The following ZBTB44 variants were observed in gnomAD, a reference collection of about 807,000 sequenced individuals.
The protein encoded by ZBTB44 is zinc finger and BTB domain containing 44, also known as zinc finger and BTB domain-containing protein 44.
In ZBTB44, 15 loss-of-function variants were observed where a neutral mutation model predicts 54.0. The observed-to-expected ratio is 0.28, with a 90% CI of 0.19 to 0.43. The LOEUF is 0.43. Ranked by LOEUF, ZBTB44 falls within the 20% of genes least tolerant of loss-of-function variation. The pLI, the probability that ZBTB44 is intolerant of heterozygous loss-of-function variation, is 1.00. For synonymous variants in ZBTB44, 230 were observed against 250.1 expected (o/e 0.92, Z 0.76); for missense variants, 487 against 707.1 (o/e 0.69, Z 3.53).
At chr11:130,255,919 A>AAAAAAAAAAAC (rs1555167098) in intron 2 of ZBTB44, among the ~76,000 whole-genome samples, 1 of 131,396 alleles carries the variant, frequency 7.6e-6, no homozygotes, top group African/African-American at 2.9e-5. Flanking sequence ...AAAAAAAAAA[A>AAAAAAAAAAAC]AACACCCCTT....
chr11:130,272,397 C>A (rs1244097364), intron 1 of ZBTB44, among the ~76,000 whole-genome samples: 2 of 152,212 alleles, frequency 1.3e-5, no homozygotes, highest in African/African-American at 4.8e-5. Context: ...CATGTGCTTA[C>A]TGGACATTAG....
At chr11:130,247,557 T>C (rs1397350154) in intron 2 of ZBTB44, among the ~76,000 whole-genome samples, 1 of 152,226 alleles carries the variant, frequency 6.6e-6, no homozygotes, top group Non-Finnish European at 1.5e-5. Context: ...CCTGCCTGCC[T>C]GCTGTGTTAA....
chr11:130,245,092 T>C (rs1157178910), intron 2 of ZBTB44, among the ~76,000 whole-genome samples: 1 of 152,202 alleles, frequency 6.6e-6, no homozygotes, highest in Non-Finnish European at 1.5e-5. Context: ...TCTGAGGCTT[T>C]TGAAAATACG....
intron 2 of ZBTB44, among the ~76,000 whole-genome samples, chr11:130,254,521 T>C (rs890349869): frequency 6.6e-6 from 1 of 152,214 alleles, no homozygotes; most frequent in African/African-American, 2.4e-5. Context: ...AAAACCACAA[T>C]GAGATACCAT....
chr11:130,309,744 T>C (rs1942480059), intron 1 of ZBTB44, among the ~76,000 whole-genome samples: 1 of 151,754 alleles, frequency 6.6e-6, no homozygotes, highest in African/African-American at 2.4e-5. Context: ...ATACAAAAAT[T>C]AGCTGGGCGT....
intron 1 of ZBTB44, among the ~76,000 whole-genome samples, chr11:130,313,332 A>C (rs1942735286): frequency 6.6e-6 from 1 of 152,254 alleles, no homozygotes; most frequent in Non-Finnish European, 1.5e-5. Context: ...AGTACTGCAC[A>C]AAATGAATAA....
chr11:130,280,321 C>T (rs1324183524), intron 1 of ZBTB44, among the ~76,000 whole-genome samples: 4 of 152,066 alleles, frequency 2.6e-5, no homozygotes, highest in East Asian at 3.8e-4. Context: ...ATCTTAGGTA[C>T]GTTAAAGGGG....
chr11:130,301,168 C>T (rs749902547), intron 1 of ZBTB44, among the ~76,000 whole-genome samples: 2 of 151,948 alleles, frequency 1.3e-5, no homozygotes, highest in Non-Finnish European at 2.9e-5. Context: ...CTTAAACAGG[C>T]GGAGGCCCAG....
At chr11:130,256,195 TA>T (rs944278635) in intron 2 of ZBTB44, among the ~76,000 whole-genome samples, 6 of 152,118 alleles carry the variant, frequency 3.9e-5, no homozygotes, top group Non-Finnish European at 8.8e-5. Context: ...AAGTCCTCAA[TA>T]AAATACTGAC....
At chr11:130,232,706 ATC>A (rs1188207475) in intron 7 of ZBTB44, 2 of 152,224 alleles carry the variant, frequency 1.3e-5, no homozygotes, top group Admixed American at 1.3e-4. Flanking sequence ...TCAGTAAACA[ATC>A]TAGTTGGGTT....
intron 1 of ZBTB44, among the ~76,000 whole-genome samples, chr11:130,283,039 T>A (rs1940652084): frequency 1.5e-5 from 2 of 130,722 alleles, no homozygotes; most frequent in Admixed American, 7.4e-5. Context: ...TCTAACCTTT[T>A]TTTTTTTTTT....
At chr11:130,298,455 GT>G (rs996057514) in intron 1 of ZBTB44, among the ~76,000 whole-genome samples, 4,139 of 116,294 alleles carry the variant, frequency 0.036, 131 homozygotes, top group African/African-American at 0.11. Flanking sequence ...AAAAGTTGAA[GT>G]TTTTTTTTTT....
chr11:130,257,111 T>C (rs1938502932), intron 2 of ZBTB44, among the ~76,000 whole-genome samples: 1 of 151,892 alleles, frequency 6.6e-6, no homozygotes, highest in Non-Finnish European at 1.5e-5. Flanking sequence ...ATCACAAGCG[T>C]TCCTATACAC....
chr11:130,268,992 T>TA (rs759610555), intron 1 of ZBTB44, among the ~76,000 whole-genome samples: 3,375 of 144,166 alleles, frequency 0.023, 112 homozygotes, highest in African/African-American at 0.071. Context: ...CAAGTCTCTT[T>TA]AAAAAAAAAA....
chr11:130,308,706 T>G (rs1448011818), intron 1 of ZBTB44, among the ~76,000 whole-genome samples: 1 of 152,230 alleles, frequency 6.6e-6, no homozygotes, highest in Non-Finnish European at 1.5e-5. Flanking sequence ...CTGTTTATAG[T>G]ATTCTTCTTC....
At chr11:130,271,460 A>AG (rs1379985043) in intron 1 of ZBTB44, among the ~76,000 whole-genome samples, 1 of 152,212 alleles carries the variant, frequency 6.6e-6, no homozygotes, top group African/African-American at 2.4e-5. Context: ...GGTATGTCAA[A>AG]GCTCAAGTCA....
chr11:130,258,708 T>C (rs1404394350), intron 2 of ZBTB44, among the ~76,000 whole-genome samples: 1 of 152,238 alleles, frequency 6.6e-6, no homozygotes, highest in Admixed American at 6.5e-5. Flanking sequence ...TTTTTAGGGA[T>C]TTCTGAGAAC....
intron 2 of ZBTB44, among the ~76,000 whole-genome samples, chr11:130,247,770 C>T (rs751600631): frequency 1.3e-5 from 2 of 152,124 alleles, no homozygotes; most frequent in Non-Finnish European, 2.9e-5. Flanking sequence ...ATTTCATGAT[C>T]CCACTGATAT....
chr11:130,261,800 C>T lies in ZBTB44; in HGVS notation c.74G>A (p.Arg25Gln). The T allele has an allele frequency of 6.2e-7, 1 of 1,613,998 alleles. No individual in the cohort carries two copies. The highest frequency in any genetic ancestry group is 8.5e-7 in the Non-Finnish European group (1 of 1,179,882). ...GATATCACAAAAATGTCCATCATTT[C>T]GCAGCATATTTAGCTTTCCAAGCAT... ...QEMLGKLNMLRNDGHFCDITI... is the reference protein window; with the variant it reads ...QEMLGKLNMLQNDGHFCDITI... The change falls in exon 2 of 8, where the codon CGA becomes CAA. Residue 25 changes from arginine (R) to glutamine (Q), a missense_variant. This residue lies in a region of ZBTB44 where 90 missense variants were observed against 160.3 expected (regional missense o/e 0.56). Transcript: ENST00000357899. The surrounding 1 kb of genome is among the most constrained non-coding windows in gnomAD (Gnocchi z 4.8).
Sources: gnomAD v4.1 joint callset for allele counts (sites outside exome capture counted in the v4.1 genomes callset) on GRCh38, gnomAD v4.1.1 for gene constraint, gnomAD v4.1.1 regional missense constraint, Gnocchi (gnomAD v3.1) non-coding constraint, MANE v1.5 for transcripts, NCBI Gene and HGNC (gene_info 2026-07-23, HGNC 2026-07-21) for gene names.